Variants in TTC7A observed in about 807,000 individuals in gnomAD.
TTC7A encodes the protein tetratricopeptide repeat domain 7A, also known as tetratricopeptide repeat protein 7A.
In TTC7A, 110 loss-of-function variants were observed where a neutral mutation model predicts 103.7. The observed-to-expected ratio is 1.06, with a 90% CI of 0.91 to 1.24. The LOEUF is 1.24. TTC7A is among the 50% of genes most tolerant of loss of function. The pLI is 0.00. For missense variants in TTC7A, 1,340 were observed against 1,116.3 expected (o/e 1.20, Z -2.86); for synonymous variants, 521 against 467.9 (o/e 1.11, Z -1.47).
chr2:46,957,595 G>T (rs1671989640), intron 3 of TTC7A, among the ~76,000 whole-genome samples: 1 of 152,236 alleles, frequency 6.6e-6, no homozygotes, highest in East Asian at 1.9e-4. Context: ...GTCAAGGGGT[G>T]CTCTGGAGGG....
At chr2:47,012,846 T>C (rs2104494907) in intron 11 of TTC7A, among the ~76,000 whole-genome samples, 1 of 152,310 alleles carries the variant, frequency 6.6e-6, no homozygotes, top group Non-Finnish European at 1.5e-5. Flanking sequence ...GTGTCTGAAG[T>C]GCCCCATCCC....
chr2:46,931,519 G>A lies in TTC7A; in HGVS notation c.82+14242G>A, dbSNP rs192938101. ...GAGTCTTTCTAAGAGGGAAACAGGA[G>A]GGTCAGAGTCAGAGTAGAGGTGCCC... On this transcript the variant is annotated intron_variant, in intron 2 of 20. Coordinates refer to the TTC7A transcript ENST00000409245. 3.3e-4 allele frequency among the ~76,000 whole-genome samples: 49 copies of A among 150,488 alleles called. 1 individual carries two copies. In the East Asian group the frequency reaches 7.3e-3, roughly 23 times the overall value.
intron 12 of TTC7A, among the ~76,000 whole-genome samples, chr2:47,022,212 C>CCTT (rs1273115287): frequency 6.6e-6 from 1 of 152,184 alleles, no homozygotes; most frequent in Admixed American, 6.5e-5. Context: ...CTCAAGCATG[C>CCTT]CTTCCTCTCC....
At position 47,075,589 on chromosome 2, in the gene TTC7A, C is replaced by G. The variant is rs936635189; in HGVS notation, c.*1666C>G. Reference sequence around the variant, plus strand: ...TGAAGCAGCATGTATATTCACTGGGCATGTAGCTCCCACACCAGCCTTGAG... The same window carrying G: ...TGAAGCAGCATGTATATTCACTGGGGATGTAGCTCCCACACCAGCCTTGAG... On this transcript the variant is annotated 3_prime_UTR_variant, in exon 20 of 20. Coordinates refer to ENST00000319190, the MANE Select transcript of TTC7A (RefSeq NM_020458.4). The G allele has an allele frequency of 5.9e-5, 9 of 152,208 alleles. No homozygotes were observed. Among genetic ancestry groups the G allele is most frequent in the African/African-American group, 2.2e-4 (9 of 41,452 alleles). The allele number at this position is 152,208 out of a possible 1,614,324, so 9.4% of individuals were successfully genotyped here.
At chr2:47,034,429 G>GGC (rs1680894927) in intron 15 of TTC7A, 1 of 152,346 alleles carries the variant, frequency 6.6e-6, no homozygotes, top group South Asian at 2.1e-4. Flanking sequence ...ACCAGGGAGG[G>GGC]GCAGGAATAT....
rs56273451 is a variant in TTC7A, at chr2:46,969,207, T to TAA, written c.518-5757_518-5756dup. On this transcript the variant is annotated intron_variant, in intron 3 of 19. Coordinates refer to ENST00000319190, the MANE Select transcript of TTC7A (RefSeq NM_020458.4). The stretch of plus-strand genomic sequence containing the variant: ...GTTATGTGTATATAAGAGTTTGTTT[T>TAA]AAAAAAAAAATCTGGGCCGGGCACG... Among the ~76,000 whole-genome samples the TAA allele has an allele frequency of 9.8e-3, 1,469 of 149,350 alleles. 23 individuals carry two copies. Among genetic ancestry groups the TAA allele is most frequent in the African/African-American group, 0.033 (1,361 of 40,806 alleles).
intron 3 of TTC7A, among the ~76,000 whole-genome samples, chr2:46,972,935 A>C (rs552561547): frequency 6.6e-6 from 1 of 152,330 alleles, no homozygotes; most frequent in South Asian, 2.1e-4. Context: ...AGGAGGGTGG[A>C]TGTTTTTCTT....
chr2:46,959,380 C>G (rs1014817287), intron 3 of TTC7A, among the ~76,000 whole-genome samples: 3 of 152,174 alleles, frequency 2.0e-5, no homozygotes, highest in Admixed American at 2.0e-4. Context: ...CTCCATTTTT[C>G]ACAGGAGTCT....
chr2:46,974,298 G>T (rs971104975), intron 3 of TTC7A, among the ~76,000 whole-genome samples: 2 of 152,254 alleles, frequency 1.3e-5, no homozygotes, highest in African/African-American at 4.8e-5. Flanking sequence ...AGAGGAGGGA[G>T]CAAGCAAGTG....
At chr2:46,982,959 C>A (rs1187679103) in intron 5 of TTC7A, among the ~76,000 whole-genome samples, 1 of 151,584 alleles carries the variant, frequency 6.6e-6, no homozygotes, top group Non-Finnish European at 1.5e-5. Context: ...CAGAGCAAGA[C>A]CCTCTCTCAA....
At chr2:47,019,273 C>G (rs1171802207) in intron 11 of TTC7A, among the ~76,000 whole-genome samples, 1 of 152,016 alleles carries the variant, frequency 6.6e-6, no homozygotes, top group Non-Finnish European at 1.5e-5. Flanking sequence ...TGGGTCACAC[C>G]TGTAATCCCA....
rs143184428 is a variant in TTC7A at position 47,050,044 on chromosome 2, C to T, written c.2015C>T (p.Ser672Phe). 1.5e-4 allele frequency: 249 copies of T among 1,613,224 alleles called. No individual in the cohort carries two copies. Among genetic ancestry groups the T allele is most frequent in the Non-Finnish European group, 2.0e-5 (23 of 1,179,400 alleles). The change falls in exon 17 of 20, where the codon TCT (serine) becomes TTT (phenylalanine). Residue 672 changes from serine to phenylalanine, a missense_variant and splice_region_variant. By Grantham distance (155) the Ser-to-Phe change is radical. Coordinates refer to ENST00000319190, the MANE Select transcript of TTC7A (RefSeq NM_020458.4). ...TTGCCTGATGCCCATGATGCAGACTCTGGTAAGAACGAGCTCCTTGGGCCA... is the reference window on the plus strand; with the variant it reads ...TTGCCTGATGCCCATGATGCAGACTTTGGTAAGAACGAGCTCCTTGGGCCA... ...LTLPDAHDADSGSRRASSIAA... is the reference protein window; with the variant it reads ...LTLPDAHDADFGSRRASSIAA...
chr2:47,049,817 C>A, intron 16 of TTC7A, 132 bp from the exon 17 acceptor site: 1 of 678,232 alleles, frequency 1.5e-6, no homozygotes, highest in South Asian at 1.7e-5. Flanking sequence ...GAACCCACAG[C>A]CCCAGAGCCT....
chr2:46,965,450 A>C (rs1378891394), intron 3 of TTC7A, among the ~76,000 whole-genome samples: 1 of 152,154 alleles, frequency 6.6e-6, no homozygotes, highest in Non-Finnish European at 1.5e-5. Context: ...CAGATGGAGA[A>C]GGAGGAGCAG....
chr2:47,040,923 A>G (rs1049451784), intron 15 of TTC7A, among the ~76,000 whole-genome samples: 1 of 152,186 alleles, frequency 6.6e-6, no homozygotes, highest in Non-Finnish European at 1.5e-5. Flanking sequence ...AGGCTCGAGG[A>G]CAGTACTGTG....
rs1333055088 is a variant in TTC7A, at chr2:47,073,749, G to A, written c.2403G>A (p.Val801=). ...GCCACAAGAGCTTGGCCCAGAAGGT[G>A]CTTCGTGATGCCGTGGAGAGGCAGA... The part of the protein sequence containing the change: ...RLGHKSLAQK[V]LRDAVERQST... Residue 801 remains valine, a synonymous_variant, in exon 20 of 20, where the codon GTG becomes GTA. Transcript: ENST00000319190. The A allele has an allele frequency of 1.9e-6, 3 of 1,613,856 alleles. No individual in the cohort carries two copies. The highest frequency in any genetic ancestry group is 2.2e-5 in the East Asian group (1 of 44,886).
intron 2 of TTC7A, among the ~76,000 whole-genome samples, chr2:46,952,770 C>A (rs1248441999): frequency 6.6e-6 from 1 of 152,154 alleles, no homozygotes; most frequent in East Asian, 1.9e-4. Flanking sequence ...AAAAAAAGTT[C>A]TTGTTTTCCA....
chr2:47,071,782 C>T (rs1684747807), intron 19 of TTC7A, among the ~76,000 whole-genome samples: 1 of 152,198 alleles, frequency 6.6e-6, no homozygotes, highest in South Asian at 2.1e-4. Context: ...GGCCCCTTCC[C>T]AAACACCCAC....
chr2:46,917,906 CT>C (rs1668899235), intron 2 of TTC7A, among the ~76,000 whole-genome samples: 1 of 152,216 alleles, frequency 6.6e-6, no homozygotes, highest in Non-Finnish European at 1.5e-5. Flanking sequence ...CTTTCTTGGG[CT>C]TCTTAATTGG....
Sources: gnomAD v4.1 joint callset for allele counts (sites outside exome capture counted in the v4.1 genomes callset) on GRCh38, gnomAD v4.1.1 for gene constraint, MANE v1.5 for transcripts, NCBI Gene and HGNC (gene_info 2026-07-23, HGNC 2026-07-21) for gene names.